The following AP2M1 variants were observed in gnomAD, a reference collection of about 807,000 sequenced individuals.
AP2M1 encodes AP-2 complex subunit mu.
A neutral mutation model predicts 54.5 loss-of-function variants in AP2M1; 5 were observed. That is an observed-to-expected ratio of 0.09 (90% CI 0.05 to 0.19). AP2M1 has a LOEUF of 0.19. AP2M1 is among the 10% of genes least tolerant of loss of function. AP2M1 has a pLI of 1.00. For synonymous variants in AP2M1, 186 were observed against 208.2 expected, an observed-to-expected ratio of 0.89 and a Z score of 0.92; for missense variants, 178 against 580.2, an observed-to-expected ratio of 0.31 and a Z score of 7.12.
chr3:184,183,946 T>G lies in AP2M1; in HGVS notation c.*330T>G. 3.6e-6 allele frequency: 1 copy of G among 279,852 alleles called. No individual in the cohort carries two copies. Among genetic ancestry groups the G allele is most frequent in the Non-Finnish European group, 7.1e-6 (1 of 140,754 alleles). The allele number at this position is 279,852 out of a possible 1,614,324, so 17.3% of individuals were successfully genotyped here. A position where few individuals can be genotyped will look rare whatever the true frequency, so the allele number is the denominator to read the frequency against. On this transcript the variant is annotated 3_prime_UTR_variant, in exon 12 of 12. Coordinates refer to ENST00000292807, the MANE Select transcript of AP2M1 (RefSeq NM_004068.4). The surrounding 1 kb of genome is among the most constrained non-coding windows in gnomAD (Gnocchi z 5.7). ...GGCCACAGCTCTGGAGTGGGAGGGT[T>G]GGTTGCCCCTCACCTCAGAGCTCCC...
Position 184,178,741 on chromosome 3 carries a change from T to A in AP2M1, c.75-116T>A. On this transcript the variant is annotated intron_variant, in intron 2 of 11. Coordinates refer to ENST00000292807, the MANE Select transcript of AP2M1 (RefSeq NM_004068.4). This position sits in a 1 kb window ranked among gnomAD's most constrained non-coding sequence, Gnocchi z 4.9. ...GTTTAGGCATTGGCTTTCTTTGGAGTGTGTGTGTCAGACTTCTGCAGAAAG... is the reference window on the plus strand; with the variant it reads ...GTTTAGGCATTGGCTTTCTTTGGAGAGTGTGTGTCAGACTTCTGCAGAAAG... 6.2e-6 allele frequency: 8 copies of A among 1,295,834 alleles called. No individual in the cohort carries two copies. The highest frequency in any genetic ancestry group is 7.4e-6 in the Non-Finnish European group (7 of 940,458). The allele number at this position is 1,295,834 out of a possible 1,614,324, so 80.3% of individuals were successfully genotyped here.
chr3:184,174,932 C>T lies in AP2M1; in HGVS notation c.-71C>T, dbSNP rs11539597. ...CTTGGGATCCGGAGAGTGGCCGGGC[C>T]GGCAGAGCAGGGGGCCGAGGACACC... On this transcript the variant is annotated 5_prime_UTR_variant, in exon 1 of 12. Coordinates refer to ENST00000292807, the MANE Select transcript of AP2M1 (RefSeq NM_004068.4). 4,656 of 398,572 alleles carry T rather than the reference C, an allele frequency of 0.012. 35 individuals are homozygous for T. The highest frequency in any genetic ancestry group is 0.015 in the Non-Finnish European group (3,338 of 226,026). The allele number at this position is 398,572 out of a possible 1,614,324, so 24.7% of individuals were successfully genotyped here. A position where few individuals can be genotyped will look rare whatever the true frequency, so the allele number is the denominator to read the frequency against.
chr3:184,178,180 G>T lies in AP2M1; in HGVS notation c.75-677G>T. ...TGCTATCACTCTCCTCTTCTTGCTG[G>T]CGTCATTTCTCTCATCCCATCTCAT... On this transcript the variant is annotated intron_variant, in intron 2 of 11. Coordinates refer to ENST00000292807, the MANE Select transcript of AP2M1 (RefSeq NM_004068.4). This position sits in a 1 kb window ranked among gnomAD's most constrained non-coding sequence, Gnocchi z 4.9. The T allele has an allele frequency of 6.5e-7, 1 of 1,534,534 alleles. No homozygotes were observed. Among genetic ancestry groups the T allele is most frequent in the African/African-American group, 1.4e-5 (1 of 73,134 alleles).
chr3:184,182,722 C>T lies in AP2M1; in HGVS notation c.1062-35C>T, dbSNP rs759990760. 17 of 1,581,194 alleles carry T rather than the reference C, an allele frequency of 1.1e-5. No individual in the cohort carries two copies. Among genetic ancestry groups the T allele is most frequent in the South Asian group, 6.6e-5 (6 of 90,232 alleles). ...CAACTGCCCTTGAAACTCCTCCAAG[C>T]CCCAATGGGCTGCCCATTGTCCCTG... is the stretch of plus-strand genomic sequence containing the variant. On this transcript the variant is annotated intron_variant, in intron 10 of 11. Transcript: ENST00000292807. This position sits in a 1 kb window ranked among gnomAD's most constrained non-coding sequence, Gnocchi z 5.5.
chr3:184,183,589 C>T lies in AP2M1; in HGVS notation c.1281C>T (p.Arg427=), dbSNP rs2109032919. The part of the protein sequence containing the change: ...DVIKWVRYIG[R]SGIYETRC The stretch of plus-strand genomic sequence containing the variant: ...TCAAATGGGTGCGCTACATTGGCCG[C>T]AGTGGCATTTATGAAACTCGCTGCT... Residue 427 remains arginine (R), a synonymous_variant, in exon 12 of 12, where the codon CGC becomes CGT. Transcript: ENST00000292807. The surrounding 1 kb of genome is among the most constrained non-coding windows in gnomAD (Gnocchi z 5.7). 1.2e-6 allele frequency: 2 copies of T among 1,614,000 alleles called. No individual in the cohort carries two copies.
Position 184,180,639 on chromosome 3 carries a change from C to G in AP2M1, c.424-6C>G. 2 of 1,614,134 alleles carry G rather than the reference C, an allele frequency of 1.2e-6. No individual in the cohort carries two copies. On this transcript the variant is annotated splice_polypyrimidine_tract_variant and splice_region_variant and intron_variant, in intron 4 of 11. Coordinates refer to ENST00000292807, the MANE Select transcript of AP2M1 (RefSeq NM_004068.4). This position sits in a 1 kb window ranked among gnomAD's most constrained non-coding sequence, Gnocchi z 4.9. Reference sequence around the variant, plus strand: ...GTGGGCACCTCGTTGGCCCTGCGGCCTCCAGCATCAGGTAAGCTCTTCCCT... The same window carrying G: ...GTGGGCACCTCGTTGGCCCTGCGGCGTCCAGCATCAGGTAAGCTCTTCCCT...
chr3:184,183,232 A>G lies in AP2M1; in HGVS notation c.1174-250A>G, dbSNP rs1235151765. On this transcript the variant is annotated intron_variant, in intron 11 of 11. Coordinates refer to ENST00000292807, the MANE Select transcript of AP2M1 (RefSeq NM_004068.4). This position sits in a 1 kb window ranked among gnomAD's most constrained non-coding sequence, Gnocchi z 5.7. The stretch of plus-strand genomic sequence containing the variant: ...TTTTAAGTTCATAATATTGAGCAGG[A>G]TAAGTATGTTCTAAAGCAGTTCTTT... The G allele has an allele frequency of 3.5e-6, 2 of 577,612 alleles. No individual in the cohort carries two copies. Among genetic ancestry groups the G allele is most frequent in the Middle Eastern group, 4.7e-4 (1 of 2,148 alleles). The allele number at this position is 577,612 out of a possible 1,614,324, so 35.8% of individuals were successfully genotyped here. A position where few individuals can be genotyped will look rare whatever the true frequency, so the allele number is the denominator to read the frequency against.
At chr3:184,176,719 C>G in intron 1 of AP2M1, 1 of 468,212 alleles carries the variant, frequency 2.1e-6, no homozygotes, top group African/African-American at 2.0e-5. Flanking sequence ...AAGGGAGGGT[C>G]AAAATGGCCT....
In AP2M1 at chr3:184,178,165, C is replaced by T. The variant is rs988859177; in HGVS notation, c.75-692C>T. ...AACCCTCTCTCTCGTTGCTATCACTCTCCTCTTCTTGCTGGCGTCATTTCT... is the reference window on the plus strand; with the variant it reads ...AACCCTCTCTCTCGTTGCTATCACTTTCCTCTTCTTGCTGGCGTCATTTCT... On this transcript the variant is annotated intron_variant, in intron 2 of 11. Coordinates refer to ENST00000292807, the MANE Select transcript of AP2M1 (RefSeq NM_004068.4). This position sits in a 1 kb window ranked among gnomAD's most constrained non-coding sequence, Gnocchi z 4.9. 2 of 1,525,952 alleles carry T rather than the reference C, an allele frequency of 1.3e-6. No homozygotes were observed. Among genetic ancestry groups the T allele is most frequent in the African/African-American group, 2.7e-5 (2 of 72,798 alleles). 94.5% of individuals were successfully genotyped at this position (1,525,952 alleles called of 1,614,324 possible).
Position 184,180,363 on chromosome 3 carries a change from C to A in AP2M1, c.423+112C>A. 1.5e-6 allele frequency: 2 copies of A among 1,341,094 alleles called. No homozygotes were observed. Among genetic ancestry groups the A allele is most frequent in the South Asian group, 1.3e-5 (1 of 77,080 alleles). 83.1% of individuals were successfully genotyped at this position (1,341,094 alleles called of 1,614,324 possible). On this transcript the variant is annotated intron_variant, in intron 4 of 11. Transcript: ENST00000292807. This position sits in a 1 kb window ranked among gnomAD's most constrained non-coding sequence, Gnocchi z 4.9. ...ATGAGCCCTCCCATGACAGGAAGTG[C>A]TGGCCTGAGCCTCCTGCCATGATTG...
At chr3:184,179,174 G>C in intron 3 of AP2M1, 52 bp downstream of exon 3, 1 of 1,595,160 alleles carries the variant, frequency 6.3e-7, no homozygotes, top group South Asian at 1.1e-5. Context: ...AAAAAACCAG[G>C]CTGGGCCTGG....
chr3:184,180,431 G>A lies in AP2M1; in HGVS notation c.423+180G>A. The A allele has an allele frequency of 9.7e-7, 1 of 1,035,382 alleles. No homozygotes were observed. The highest frequency in any genetic ancestry group is 1.4e-6 in the Non-Finnish European group (1 of 710,476). The allele number at this position is 1,035,382 out of a possible 1,614,324, so 64.1% of individuals were successfully genotyped here. A position where few individuals can be genotyped will look rare whatever the true frequency, so the allele number is the denominator to read the frequency against. The stretch of plus-strand genomic sequence containing the variant: ...GTGTGGTCCTCCCACTGCAGGAGCA[G>A]CCAATTCAGCATCTCTATTACCAGG... On this transcript the variant is annotated intron_variant, in intron 4 of 11. Coordinates refer to ENST00000292807, the MANE Select transcript of AP2M1 (RefSeq NM_004068.4). The surrounding 1 kb of genome is among the most constrained non-coding windows in gnomAD (Gnocchi z 4.9).
In AP2M1 at chr3:184,178,199, A is replaced by T. The variant is rs780754343; in HGVS notation, c.75-658A>T. 2 of 1,535,684 alleles carry T rather than the reference A, an allele frequency of 1.3e-6. No individual in the cohort carries two copies. The highest frequency in any genetic ancestry group is 2.4e-5 in the South Asian group (2 of 84,030). On this transcript the variant is annotated intron_variant, in intron 2 of 11. Transcript: ENST00000292807. This position sits in a 1 kb window ranked among gnomAD's most constrained non-coding sequence, Gnocchi z 4.9. ...TTGCTGGCGTCATTTCTCTCATCCC[A>T]TCTCATTGGCTGCCGTAGCAATAGG...
chr3:184,179,687 G>A (rs1423182895), intron 3 of AP2M1, among the ~76,000 whole-genome samples: 1 of 145,950 alleles, frequency 6.9e-6, no homozygotes, highest in Non-Finnish European at 1.5e-5. Context: ...TTGAGACAGG[G>A]TCTTGCTCTT....
At chr3:184,179,363 AACCTGACTC>A (rs1463803656) in intron 3 of AP2M1, 3 of 534,932 alleles carry the variant, frequency 5.6e-6, no homozygotes, top group Non-Finnish European at 9.9e-6. Context: ...AGGGGCTAGG[AACCTGACTC>A]AGGTTTGGTG....
chr3:184,181,060 C>T lies in AP2M1; in HGVS notation c.566-25C>T. 1.2e-6 allele frequency: 2 copies of T among 1,614,102 alleles called. No homozygotes were observed. Among genetic ancestry groups the T allele is most frequent in the Non-Finnish European group, 1.7e-6 (2 of 1,180,012 alleles). ...GGCCTGCCTGCCTGACTCCGCTGCT[C>T]CCCATTTATCTGTTCCATCACCAGG... On this transcript the variant is annotated intron_variant, in intron 6 of 11. Coordinates refer to ENST00000292807, the MANE Select transcript of AP2M1 (RefSeq NM_004068.4). The surrounding 1 kb of genome is among the most constrained non-coding windows in gnomAD (Gnocchi z 5.7).
Position 184,181,576 on chromosome 3 carries a change from C to G in AP2M1, c.708-120C>G. The G allele has an allele frequency of 7.2e-7, 1 of 1,383,980 alleles. No individual in the cohort carries two copies. The highest frequency in any genetic ancestry group is 1.3e-5 in the South Asian group (1 of 78,530). 85.7% of individuals were successfully genotyped at this position (1,383,980 alleles called of 1,614,324 possible). A position where few individuals can be genotyped will look rare whatever the true frequency, so the allele number is the denominator to read the frequency against. ...AGCTCTGGGGCAGACCTCCGAGTCA[C>G]AAAGCTGCATTCTAGCAGCTTTTCA... is the stretch of plus-strand genomic sequence containing the variant. On this transcript the variant is annotated intron_variant, in intron 7 of 11. Transcript: ENST00000292807. The surrounding 1 kb of genome is among the most constrained non-coding windows in gnomAD (Gnocchi z 5.7).
Position 184,177,492 on chromosome 3 carries a change from C to T in AP2M1, c.74+425C>T, listed in dbSNP as rs934643136. 3.4e-6 allele frequency: 5 copies of T among 1,491,556 alleles called. No individual in the cohort carries two copies. The African/African-American group carries it at 4.2e-5, about 12-fold the overall frequency. 92.4% of individuals were successfully genotyped at this position (1,491,556 alleles called of 1,614,324 possible). On this transcript the variant is annotated intron_variant, in intron 2 of 11. Transcript: ENST00000292807. ...CCATATCAAACGCCTTCACTGGATT[C>T]TGTTGAAAGCCCCTCCAGGCTGCCC...
chr3:184,183,913 A>T lies in AP2M1; in HGVS notation c.*297A>T. On this transcript the variant is annotated 3_prime_UTR_variant, in exon 12 of 12. Transcript: ENST00000292807. The surrounding 1 kb of genome is among the most constrained non-coding windows in gnomAD (Gnocchi z 5.7). The stretch of plus-strand genomic sequence containing the variant: ...GCCAGGTGGGTTCCCTTTCCTTCCC[A>T]CCCCTGTGGCCACAGCTCTGGAGTG... 3.2e-6 allele frequency: 1 copy of T among 314,226 alleles called. No homozygotes were observed. Among genetic ancestry groups the T allele is most frequent in the Non-Finnish European group, 6.2e-6 (1 of 161,488 alleles). The allele number at this position is 314,226 out of a possible 1,614,324, so 19.5% of individuals were successfully genotyped here. A position where few individuals can be genotyped will look rare whatever the true frequency, so the allele number is the denominator to read the frequency against.
Sources: gnomAD v4.1 joint callset for allele counts (sites outside exome capture counted in the v4.1 genomes callset) on GRCh38, gnomAD v4.1.1 for gene constraint, Gnocchi (gnomAD v3.1) non-coding constraint, MANE v1.5 for transcripts, NCBI Gene and HGNC (gene_info 2026-07-23, HGNC 2026-07-21) for gene names.